GDF11: variants seen among roughly 807,000 people sequenced by gnomAD.
The protein encoded by GDF11 is growth differentiation factor 11, also known as growth/differentiation factor 11.
A neutral mutation model predicts 34.4 loss-of-function variants in GDF11; 12 were observed. The observed-to-expected ratio is 0.35, with a 90% CI of 0.22 to 0.57. GDF11 has a LOEUF of 0.57. Among genes scored for constraint, GDF11 ranks in the 20% least tolerant of loss-of-function variants. The probability of loss-of-function intolerance (pLI) is 0.86; values close to 1 mark genes in which losing one functional copy is unlikely to be tolerated. For synonymous variants in GDF11, 212 were observed against 231.1 expected (o/e 0.92, Z 0.75); for missense variants, 346 against 548.2 (o/e 0.63, Z 3.68).
rs1460972050 is a variant in GDF11, at chr12:55,752,595, T to C, written c.*2713T>C. The C allele has an allele frequency of 6.6e-6, 1 of 152,180 alleles. No homozygotes were observed. Among genetic ancestry groups the C allele is most frequent in the Non-Finnish European group, 1.5e-5 (1 of 68,048 alleles). 9.4% of individuals were successfully genotyped at this position (152,180 alleles called of 1,614,324 possible). A position where few individuals can be genotyped will look rare whatever the true frequency, so the allele number is the denominator to read the frequency against. On this transcript the variant is annotated 3_prime_UTR_variant, in exon 3 of 3. Coordinates refer to ENST00000257868, the MANE Select transcript of GDF11 (RefSeq NM_005811.5). ...CATATCATTATTAGTGTAATTATCA[T>C]TTATTTTGTGTATTTGTCACATTGT...
rs1878527704 is a variant in GDF11 at position 55,757,065 on chromosome 12, T to C, written c.*7183T>C. 1.3e-5 allele frequency: 2 copies of C among 152,628 alleles called. No individual in the cohort carries two copies. The highest frequency in any genetic ancestry group is 4.8e-5 in the African/African-American group (2 of 41,466). 9.5% of individuals were successfully genotyped at this position (152,628 alleles called of 1,614,324 possible). On this transcript the variant is annotated 3_prime_UTR_variant, in exon 3 of 3. Coordinates refer to ENST00000257868, the MANE Select transcript of GDF11 (RefSeq NM_005811.5). ...GACTTGGTGGGTGGGTAACTTAACCTCTTCACAGAGGATAAAAAATGCTTG... is the reference window on the plus strand; with the variant it reads ...GACTTGGTGGGTGGGTAACTTAACCCCTTCACAGAGGATAAAAAATGCTTG...
intron 1 of GDF11, among the ~76,000 whole-genome samples, chr12:55,745,568 A>C (rs1292646490): frequency 1.4e-5 from 2 of 142,166 alleles, no homozygotes; most frequent in African/African-American, 5.2e-5. Context: ...CTGAGCTCTT[A>C]AGAGAGGGAG....
rs1878387373 is a variant in GDF11, at chr12:55,753,344, G to A, written c.*3462G>A. 1 of 152,202 alleles carries A rather than the reference G, an allele frequency of 6.6e-6. No individual in the cohort carries two copies. The highest frequency in any genetic ancestry group is 1.5e-5 in the Non-Finnish European group (1 of 68,040). 9.4% of individuals were successfully genotyped at this position (152,202 alleles called of 1,614,324 possible). On this transcript the variant is annotated 3_prime_UTR_variant, in exon 3 of 3. Coordinates refer to ENST00000257868, the MANE Select transcript of GDF11 (RefSeq NM_005811.5). Reference sequence around the variant, plus strand: ...AACGAACTTGCCTTGTTACACAAGAGTGGCTAAAATAGCATCTCAAATATT... The same window carrying A: ...AACGAACTTGCCTTGTTACACAAGAATGGCTAAAATAGCATCTCAAATATT...
In GDF11 at chr12:55,751,013, G is replaced by C. The variant is rs1379419298; in HGVS notation, c.*1131G>C. 6.6e-6 allele frequency: 1 copy of C among 152,196 alleles called. No homozygotes were observed. The highest frequency in any genetic ancestry group is 1.5e-5 in the Non-Finnish European group (1 of 68,102). The allele number at this position is 152,196 out of a possible 1,614,324, so 9.4% of individuals were successfully genotyped here. A position where few individuals can be genotyped will look rare whatever the true frequency, so the allele number is the denominator to read the frequency against. On this transcript the variant is annotated 3_prime_UTR_variant, in exon 3 of 3. Coordinates refer to ENST00000257868, the MANE Select transcript of GDF11 (RefSeq NM_005811.5). ...CCTGGGTCTGGAAAGCGTTAGGAGA[G>C]GTCAAGAAAGGAGCAGTAAGGAGGC...
chr12:55,751,005 T>A lies in GDF11; in HGVS notation c.*1123T>A, dbSNP rs1435454441. 6.6e-6 allele frequency: 1 copy of A among 151,824 alleles called. No homozygotes were observed. The highest frequency in any genetic ancestry group is 1.5e-5 in the Non-Finnish European group (1 of 68,010). The allele number at this position is 151,824 out of a possible 1,614,324, so 9.4% of individuals were successfully genotyped here. A position where few individuals can be genotyped will look rare whatever the true frequency, so the allele number is the denominator to read the frequency against. ...CAGAGTCCCCTGGGTCTGGAAAGCG[T>A]TAGGAGAGGTCAAGAAAGGAGCAGT... On this transcript the variant is annotated 3_prime_UTR_variant, in exon 3 of 3. Coordinates refer to ENST00000257868, the MANE Select transcript of GDF11 (RefSeq NM_005811.5).
chr12:55,743,694 C>G lies in GDF11; in HGVS notation c.378C>G (p.Pro126=). 1.9e-6 allele frequency: 3 copies of G among 1,601,496 alleles called. No homozygotes were observed. Among genetic ancestry groups the G allele is most frequent in the Non-Finnish European group, 2.5e-6 (3 of 1,179,314 alleles). ...LHDFQGDALQ[P]EDFLEEDEYH... ...ACTTCCAGGGCGACGCGCTGCAGCC[C>G]GAGGACTTCCTGGAGGAGGACGAGT... The change falls in exon 1 of 3, where the codon CCC becomes CCG. Residue 126 remains proline (P), a synonymous_variant. Transcript: ENST00000257868.
intron 1 of GDF11, among the ~76,000 whole-genome samples, chr12:55,745,619 A>G (rs941373733): frequency 3.3e-5 from 5 of 151,802 alleles, no homozygotes; most frequent in African/African-American, 1.2e-4. Flanking sequence ...GGAAAAGGAA[A>G]AAGAGACTTT....
In GDF11 at chr12:55,756,117, G is replaced by A. The variant is rs948902674; in HGVS notation, c.*6235G>A. 1 of 152,204 alleles carries A rather than the reference G, an allele frequency of 6.6e-6. No homozygotes were observed. Among genetic ancestry groups the A allele is most frequent in the African/African-American group, 2.4e-5 (1 of 41,456 alleles). 9.4% of individuals were successfully genotyped at this position (152,204 alleles called of 1,614,324 possible). On this transcript the variant is annotated 3_prime_UTR_variant, in exon 3 of 3. Coordinates refer to ENST00000257868, the MANE Select transcript of GDF11 (RefSeq NM_005811.5). ...TCAGATGAAGGCAGAGTAGAGAGAG[G>A]AAAAGCTAGCCCCAAGATCAGAGCC...
chr12:55,753,877 G>T lies in GDF11; in HGVS notation c.*3995G>T, dbSNP rs1284995932. 6.6e-6 allele frequency: 1 copy of T among 152,082 alleles called. No homozygotes were observed. The highest frequency in any genetic ancestry group is 1.5e-5 in the Non-Finnish European group (1 of 68,074). 9.4% of individuals were successfully genotyped at this position (152,082 alleles called of 1,614,324 possible). On this transcript the variant is annotated 3_prime_UTR_variant, in exon 3 of 3. Coordinates refer to ENST00000257868, the MANE Select transcript of GDF11 (RefSeq NM_005811.5). Reference sequence around the variant, plus strand: ...CAGGAGGACCACTTGAGGCCAGAGGGTCAAGGCTGCAGTGTGCTATAATTG... The same window carrying T: ...CAGGAGGACCACTTGAGGCCAGAGGTTCAAGGCTGCAGTGTGCTATAATTG...
At chr12:55,746,078 C>T (rs1398894069) in intron 1 of GDF11, among the ~76,000 whole-genome samples, 2 of 152,108 alleles carry the variant, frequency 1.3e-5, no homozygotes, top group Non-Finnish European at 2.9e-5. Flanking sequence ...CCACCAGCGC[C>T]GCCTACTAAA....
At chr12:55,747,053 T>C (rs1878200675) in intron 1 of GDF11, among the ~76,000 whole-genome samples, 1 of 152,200 alleles carries the variant, frequency 6.6e-6, no homozygotes, top group Non-Finnish European at 1.5e-5. Context: ...TCCACTCTCA[T>C]GGAGATTAGT....
In GDF11 at chr12:55,756,679, G is replaced by GTT. The variant is rs1224546536; in HGVS notation, c.*6797_*6798insTT. 6.6e-6 allele frequency: 1 copy of GTT among 152,192 alleles called. No individual in the cohort carries two copies. Among genetic ancestry groups the GTT allele is most frequent in the African/African-American group, 2.4e-5 (1 of 41,432 alleles). 9.4% of individuals were successfully genotyped at this position (152,192 alleles called of 1,614,324 possible). On this transcript the variant is annotated 3_prime_UTR_variant, in exon 3 of 3. Coordinates refer to ENST00000257868, the MANE Select transcript of GDF11 (RefSeq NM_005811.5). Reference sequence around the variant, plus strand: ...GGTTTCAGATCTACATGAACTTGAAGCCTCCAGTTCCACTGCTTATGTTCC... The same window carrying GTT: ...GGTTTCAGATCTACATGAACTTGAAGTTCCTCCAGTTCCACTGCTTATGTTCC...
Position 55,749,777 on chromosome 12 carries a change from C to G in GDF11, c.1119C>G (p.Thr373=), listed in dbSNP as rs1452168308. ...GAGGCTCTGCTGGGCCCTGTTGTACCCCCACCAAGATGTCCCCAATCAACA... is the reference window on the plus strand; with the variant it reads ...GAGGCTCTGCTGGGCCCTGTTGTACGCCCACCAAGATGTCCCCAATCAACA... ...NPRGSAGPCC[T]PTKMSPINML... The change falls in exon 3 of 3, where the codon ACC becomes ACG. Residue 373 remains threonine (T), a synonymous_variant. Coordinates refer to ENST00000257868, the MANE Select transcript of GDF11 (RefSeq NM_005811.5). The surrounding 1 kb of genome is among the most constrained non-coding windows in gnomAD (Gnocchi z 5.6). 1 of 1,613,954 alleles carries G rather than the reference C, an allele frequency of 6.2e-7. No individual in the cohort carries two copies. Among genetic ancestry groups the G allele is most frequent in the Non-Finnish European group, 8.5e-7 (1 of 1,180,020 alleles).
chr12:55,744,827 CGG>C (rs1201751654), intron 1 of GDF11, among the ~76,000 whole-genome samples: 1 of 151,932 alleles, frequency 6.6e-6, no homozygotes, highest in African/African-American at 2.4e-5. Context: ...GAACAGAAGA[CGG>C]GGGAGACTGG....
rs530179014 is a variant in GDF11, at chr12:55,752,381, G to A, written c.*2499G>A. 1 of 92,470 alleles carries A rather than the reference G, an allele frequency of 1.1e-5. No individual in the cohort carries two copies. The highest frequency in any genetic ancestry group is 5.6e-5 in the African/African-American group (1 of 17,982). The allele number at this position is 92,470 out of a possible 1,614,324, so 5.7% of individuals were successfully genotyped here. ...AGACCTTTGTGTGTGTGTGGTGGGT[G>A]GGGGGGGGGCAGGGGTCTTTCTCTT... On this transcript the variant is annotated 3_prime_UTR_variant, in exon 3 of 3. Coordinates refer to ENST00000257868, the MANE Select transcript of GDF11 (RefSeq NM_005811.5).
At position 55,748,703 on chromosome 12, in the gene GDF11, C is replaced by T; in HGVS notation, c.563C>T (p.Pro188Leu). The change falls in exon 2 of 3, where the codon CCC becomes CTC. Residue 188 changes from proline to leucine, a missense_variant. This residue lies in a region of GDF11 where 205 missense variants were observed against 311.3 expected (regional missense o/e 0.66). Coordinates refer to ENST00000257868, the MANE Select transcript of GDF11 (RefSeq NM_005811.5). The surrounding 1 kb of genome is among the most constrained non-coding windows in gnomAD (Gnocchi z 5.6). The stretch of plus-strand genomic sequence containing the variant: ...CTGTGGGTGTACCTACGGCCTGTAC[C>T]CCGCCCAGCCACAGTCTACCTGCAG... ...AQLWVYLRPV[P>L]RPATVYLQIL... is the part of the protein sequence containing the mutation. 1 of 1,614,258 alleles carries T rather than the reference C, an allele frequency of 6.2e-7. No individual in the cohort carries two copies. The highest frequency in any genetic ancestry group is 8.5e-7 in the Non-Finnish European group (1 of 1,180,046).
chr12:55,749,652 G>A lies in GDF11; in HGVS notation c.994G>A (p.Ala332Thr). 2 of 1,614,094 alleles carry A rather than the reference G, an allele frequency of 1.2e-6. No homozygotes were observed. The highest frequency in any genetic ancestry group is 1.7e-6 in the Non-Finnish European group (2 of 1,180,024). The change falls in exon 3 of 3, where the codon GCA becomes ACA. Residue 332 changes from alanine (A) to threonine (T), a missense_variant. By Grantham distance (58) the Ala-to-Thr change is moderately conservative. Transcript: ENST00000257868. The surrounding 1 kb of genome is among the most constrained non-coding windows in gnomAD (Gnocchi z 5.6). ...GGCTTTCGGCTGGGACTGGATCATC[G>A]CACCTAAGCGCTACAAGGCCAACTA... ...FEAFGWDWII[A>T]PKRYKANYCS...
chr12:55,751,193 T>A lies in GDF11; in HGVS notation c.*1311T>A, dbSNP rs1332481440. On this transcript the variant is annotated 3_prime_UTR_variant, in exon 3 of 3. Coordinates refer to ENST00000257868, the MANE Select transcript of GDF11 (RefSeq NM_005811.5). Reference sequence around the variant, plus strand: ...GGGGAGAACAAGGAAGCAGAGTGTATAATTATTTTTTCCTTTTATTTTTGG... The same window carrying A: ...GGGGAGAACAAGGAAGCAGAGTGTAAAATTATTTTTTCCTTTTATTTTTGG... 1.3e-5 allele frequency: 2 copies of A among 152,178 alleles called. No homozygotes were observed. Among genetic ancestry groups the A allele is most frequent in the African/African-American group, 4.8e-5 (2 of 41,398 alleles). 9.4% of individuals were successfully genotyped at this position (152,178 alleles called of 1,614,324 possible). A position where few individuals can be genotyped will look rare whatever the true frequency, so the allele number is the denominator to read the frequency against.
intron 1 of GDF11, among the ~76,000 whole-genome samples, chr12:55,747,236 C>A (rs1316445196): frequency 6.6e-6 from 1 of 151,972 alleles, no homozygotes; most frequent in Non-Finnish European, 1.5e-5. Flanking sequence ...GAAGCTCCAG[C>A]CAGTAAAATA....
Sources: gnomAD v4.1 joint callset for allele counts (sites outside exome capture counted in the v4.1 genomes callset) on GRCh38, gnomAD v4.1.1 for gene constraint, gnomAD v4.1.1 regional missense constraint, Gnocchi (gnomAD v3.1) non-coding constraint, MANE v1.5 for transcripts, NCBI Gene and HGNC (gene_info 2026-07-23, HGNC 2026-07-21) for gene names.